The following ZSWIM5 variants were observed in gnomAD, a reference collection of about 807,000 sequenced individuals.
ZSWIM5 encodes zinc finger SWIM-type containing 5.
A neutral mutation model predicts 119.6 loss-of-function variants in ZSWIM5; 55 were observed. The ratio of observed to expected loss-of-function variants is 0.46; its 90% CI spans 0.37 to 0.58. The LOEUF is 0.58. Among genes scored for constraint, ZSWIM5 ranks in the 20% least tolerant of loss-of-function variants. ZSWIM5 has a pLI of 0.00. For missense variants in ZSWIM5, 1,193 were observed against 1,512.8 expected (o/e 0.79, Z 3.51); for synonymous variants, 537 against 606.9 (o/e 0.88, Z 1.69).
At chr1:45,068,107 CTTTTTTT>C (rs71040545) in intron 2 of ZSWIM5, among the ~76,000 whole-genome samples, 1 of 113,288 alleles carries the variant, frequency 8.8e-6, no homozygotes, top group African/African-American at 3.4e-5. Context: ...TTTTTTTTTT[CTTTTTTT>C]TTTTTTGAGA....
rs1359946771 is a variant in ZSWIM5 at position 45,018,280 on chromosome 1, A to G, written c.*174T>C. ...GTAGGCTGTAGTCAGAAGCTTGCCA[A>G]GGTAGGCATTATCGACTAGAGCTGG... On this transcript the variant is annotated 3_prime_UTR_variant, in exon 14 of 14. Transcript: ENST00000359600. The surrounding 1 kb of genome is among the most constrained non-coding windows in gnomAD (Gnocchi z 6.7). 1 of 793,028 alleles carries G rather than the reference A, an allele frequency of 1.3e-6. No homozygotes were observed. The highest frequency in any genetic ancestry group is 1.9e-6 in the Non-Finnish European group (1 of 513,284). 49.1% of individuals were successfully genotyped at this position (793,028 alleles called of 1,614,324 possible).
intron 1 of ZSWIM5, among the ~76,000 whole-genome samples, chr1:45,107,437 G>C (rs1477300890): frequency 6.6e-6 from 1 of 151,858 alleles, no homozygotes; most frequent in East Asian, 1.9e-4. Flanking sequence ...AGGTGATTGA[G>C]ACCATCCTGG....
Position 45,018,178 on chromosome 1 carries a change from A to G in ZSWIM5, c.*276T>C. ...GGGAGACAGGGCCAATGCTCAGGAC[A>G]CGCAGGATATAGGGGCATGAGGTGG... On this transcript the variant is annotated 3_prime_UTR_variant, in exon 14 of 14. Coordinates refer to ENST00000359600, the MANE Select transcript of ZSWIM5 (RefSeq NM_020883.2). This position sits in a 1 kb window ranked among gnomAD's most constrained non-coding sequence, Gnocchi z 6.7. 2.0e-6 allele frequency: 1 copy of G among 497,324 alleles called. No homozygotes were observed. Among genetic ancestry groups the G allele is most frequent in the East Asian group, 3.6e-5 (1 of 27,962 alleles). 30.8% of individuals were successfully genotyped at this position (497,324 alleles called of 1,614,324 possible).
rs761881517 is a variant in ZSWIM5, at chr1:45,018,952, G to A, written c.3060C>T (p.Ala1020=). ...RGYPLRAFKL[A]SLAMSHLNLA... is the part of the protein sequence containing the mutation. ...GGTTAAGATGGCTCATGGCCAATGA[G>A]GCCAGCTTGAAGGCACGTAGCGGGT... Residue 1020 remains alanine (A), a synonymous_variant, in exon 14 of 14, where the codon GCC becomes GCT. Transcript: ENST00000359600. The surrounding 1 kb of genome is among the most constrained non-coding windows in gnomAD (Gnocchi z 6.7). 3 of 1,614,110 alleles carry A rather than the reference G, an allele frequency of 1.9e-6. No homozygotes were observed. The African/African-American group carries it at 4.0e-5, about 22-fold the overall frequency.
intron 2 of ZSWIM5, among the ~76,000 whole-genome samples, chr1:45,064,740 T>C (rs1392093533): frequency 6.6e-6 from 1 of 152,150 alleles, no homozygotes; most frequent in Admixed American, 6.6e-5. Flanking sequence ...TCATAACAAC[T>C]CTATGAGGCC....
intron 2 of ZSWIM5, among the ~76,000 whole-genome samples, chr1:45,082,685 G>T (rs1322369517): frequency 1.3e-5 from 2 of 152,184 alleles, no homozygotes; most frequent in Non-Finnish European, 2.9e-5. Context: ...TATAAGTATG[G>T]GATAAACATG....
chr1:45,138,166 C>T (rs1314736309), intron 1 of ZSWIM5, among the ~76,000 whole-genome samples: 1 of 151,366 alleles, frequency 6.6e-6, no homozygotes, highest in African/African-American at 2.4e-5. Context: ...TTTTTTTCAA[C>T]CAAATGTAAA....
At chr1:45,201,889 C>G (rs144719479) in intron 1 of ZSWIM5, among the ~76,000 whole-genome samples, 9 of 152,248 alleles carry the variant, frequency 5.9e-5, no homozygotes, top group African/African-American at 2.2e-4. Flanking sequence ...TCCAATACCA[C>G]TCATACTCAA....
At position 45,019,556 on chromosome 1, in the gene ZSWIM5, T is replaced by A. The variant is rs1644875117; in HGVS notation, c.2696-240A>T. Among the ~76,000 whole-genome samples, 1 of 152,204 alleles carries A rather than the reference T, an allele frequency of 6.6e-6. No individual in the cohort carries two copies. Among genetic ancestry groups the A allele is most frequent in the Non-Finnish European group, 1.5e-5 (1 of 68,040 alleles). Reference sequence around the variant, plus strand: ...GAGTTGAAGGTTTCTGCAGGTGCTCTTAGCCCCTCACAAGGATGGGACAGT... The same window carrying A: ...GAGTTGAAGGTTTCTGCAGGTGCTCATAGCCCCTCACAAGGATGGGACAGT... On this transcript the variant is annotated intron_variant, in intron 13 of 13. Transcript: ENST00000359600. The surrounding 1 kb of genome is among the most constrained non-coding windows in gnomAD (Gnocchi z 5.0).
chr1:45,070,452 C>T, intron 2 of ZSWIM5: 4 of 1,186,034 alleles, frequency 3.4e-6, no homozygotes, highest in South Asian at 1.4e-5. Flanking sequence ...AAGGGCTGTT[C>T]TCCATAGGAA....
chr1:45,025,400 A>G (rs1418906705), intron 11 of ZSWIM5, among the ~76,000 whole-genome samples: 10 of 152,350 alleles, frequency 6.6e-5, no homozygotes, highest in Non-Finnish European at 2.9e-5. Flanking sequence ...TCTATAGATC[A>G]CATTGGGAAG....
At chr1:45,138,375 T>G (rs374394027) in intron 1 of ZSWIM5, among the ~76,000 whole-genome samples, 1 of 151,272 alleles carries the variant, frequency 6.6e-6, no homozygotes, top group African/African-American at 2.4e-5. Context: ...TATGGTGGTG[T>G]GTGCCTGTAG....
chr1:45,068,828 A>G (rs1334370336), intron 2 of ZSWIM5, among the ~76,000 whole-genome samples: 1 of 90,434 alleles, frequency 1.1e-5, no homozygotes, highest in Non-Finnish European at 2.0e-5. Flanking sequence ...TTTCTGAGAC[A>G]GGATCTTTGT....
At chr1:45,200,597 C>A (rs1030680381) in intron 1 of ZSWIM5, among the ~76,000 whole-genome samples, 1 of 152,100 alleles carries the variant, frequency 6.6e-6, no homozygotes, top group African/African-American at 2.4e-5. Flanking sequence ...GTAATCTATT[C>A]ATTCATATAT....
chr1:45,183,953 A>C (rs12737551), intron 1 of ZSWIM5, among the ~76,000 whole-genome samples: 2 of 152,164 alleles, frequency 1.3e-5, no homozygotes, highest in Non-Finnish European at 2.9e-5. Flanking sequence ...CCAAAAAAGA[A>C]ATTTTAGACC....
At chr1:45,193,743 G>A (rs994005649) in intron 1 of ZSWIM5, among the ~76,000 whole-genome samples, 2 of 152,024 alleles carry the variant, frequency 1.3e-5, no homozygotes, top group Non-Finnish European at 2.9e-5. Flanking sequence ...TAATAATAGT[G>A]AATATTTACA....
At chr1:45,091,882 T>C (rs563542641) in intron 1 of ZSWIM5, among the ~76,000 whole-genome samples, 1 of 152,228 alleles carries the variant, frequency 6.6e-6, no homozygotes, top group East Asian at 1.9e-4. Context: ...CTTAGTAGGA[T>C]GTAAGGCTCA....
chr1:45,060,344 G>C (rs957502692), intron 2 of ZSWIM5, 97 bp from the exon 3 acceptor site: 4 of 1,286,784 alleles, frequency 3.1e-6, no homozygotes, highest in Non-Finnish European at 4.3e-6. Flanking sequence ...ACAGAGATGG[G>C]TCATTCTGCT....
In ZSWIM5 at chr1:45,043,266, T is replaced by C. The variant is rs373003513; in HGVS notation, c.1562A>G (p.Glu521Gly). The change falls in exon 6 of 14, where the codon GAA (glutamate) becomes GGA (glycine). Residue 521 changes from glutamate (E) to glycine (G), a missense_variant. By Grantham distance (98) the Glu-to-Gly change is moderately conservative. Coordinates refer to ENST00000359600, the MANE Select transcript of ZSWIM5 (RefSeq NM_020883.2). ...DVYTAPACQR[E>G]SERLLFNSQG... Reference sequence around the variant, plus strand: ...GGAATTAAAGAGTAGTCTTTCACTTTCCCGCTGGCAGGCAGGAGCTGTATA... The same window carrying C: ...GGAATTAAAGAGTAGTCTTTCACTTCCCCGCTGGCAGGCAGGAGCTGTATA... The C allele has an allele frequency of 3.1e-6, 5 of 1,614,114 alleles. No individual in the cohort carries two copies. The highest frequency in any genetic ancestry group is 4.2e-6 in the Non-Finnish European group (5 of 1,180,000).
Sources: gnomAD v4.1 joint callset for allele counts (sites outside exome capture counted in the v4.1 genomes callset) on GRCh38, gnomAD v4.1.1 for gene constraint, Gnocchi (gnomAD v3.1) non-coding constraint, MANE v1.5 for transcripts, NCBI Gene and HGNC (gene_info 2026-07-23, HGNC 2026-07-21) for gene names.